CLIC6: variants seen among roughly 807,000 people sequenced by gnomAD.
CLIC6 encodes chloride intracellular channel protein 6.
In CLIC6, 39 loss-of-function variants were observed where a neutral mutation model predicts 49.2. The ratio of observed to expected loss-of-function variants is 0.79; its 90% confidence interval spans 0.61 to 1.04. The LOEUF (loss-of-function observed/expected upper bound fraction) is 1.04. Ranked by LOEUF, CLIC6 falls within the 50% of genes least tolerant of loss-of-function variation. The pLI is 0.00. For synonymous variants in CLIC6, 446 were observed against 433.4 expected (o/e 1.03, Z -0.36); for missense variants, 988 against 993.1 (o/e 0.99, Z 0.07).
Position 34,710,826 on chromosome 21 carries a change from AAAAC to A in CLIC6, c.1899+1300_1899+1303del, listed in dbSNP as rs200825556. 7.8e-3 allele frequency among the ~76,000 whole-genome samples: 1,181 copies of A among 152,192 alleles called. 13 individuals carry two copies. The highest frequency in any genetic ancestry group is 0.022 in the African/African-American group (913 of 41,520). On this transcript the variant is annotated intron_variant, in intron 5 of 5. Transcript: ENST00000349499. Reference sequence around the variant, plus strand: ...AGACTCCGTCTCAGAAAAAAAACAAAAAACAAACAAACAAAAACCCCAAAAAAAC... The same window carrying A: ...AGACTCCGTCTCAGAAAAAAAACAAAAAACAAACAAAAACCCCAAAAAAAC...
At chr21:34,702,762 G>A (rs1463407924) in intron 1 of CLIC6, among the ~76,000 whole-genome samples, 1 of 152,192 alleles carries the variant, frequency 6.6e-6, no homozygotes, top group Non-Finnish European at 1.5e-5. Context: ...AGGGAAGTGT[G>A]TGGGTGGGAC....
chr21:34,682,709 C>T (rs1467730237), intron 1 of CLIC6, among the ~76,000 whole-genome samples: 1 of 150,892 alleles, frequency 6.6e-6, no homozygotes, highest in African/African-American at 2.4e-5. Flanking sequence ...CAACTTCATT[C>T]ATTGACATCT....
chr21:34,706,077 G>A (rs972264460), intron 1 of CLIC6: 12 of 684,936 alleles, frequency 1.8e-5, no homozygotes, highest in Non-Finnish European at 2.9e-5. Flanking sequence ...AGAAATACCT[G>A]AGAGTGGGTA....
rs1403573830 is a variant in CLIC6 at position 34,699,196 on chromosome 21, A to G, written c.1375-8084A>G. 3.9e-5 allele frequency among the ~76,000 whole-genome samples: 6 copies of G among 152,186 alleles called. No individual in the cohort carries two copies. In the East Asian group the frequency reaches 1.2e-3, roughly 29 times the overall value. On this transcript the variant is annotated intron_variant, in intron 1 of 5. Transcript: ENST00000349499. ...TCAACAACATCCACAAATGATTTAG[A>G]ACCTTACCTGAAGTCAGAGTAGGTA...
chr21:34,701,668 G>A (rs1192398869), intron 1 of CLIC6, among the ~76,000 whole-genome samples: 1 of 152,176 alleles, frequency 6.6e-6, no homozygotes, highest in East Asian at 1.9e-4. Flanking sequence ...GCTCTCCCTG[G>A]CTCCAACGCC....
intron 1 of CLIC6, among the ~76,000 whole-genome samples, chr21:34,703,180 A>G (rs1241317917): frequency 6.6e-6 from 1 of 152,236 alleles, no homozygotes; most frequent in African/African-American, 2.4e-5. Flanking sequence ...AGTTATCAGA[A>G]AATACCCAAT....
intron 1 of CLIC6, among the ~76,000 whole-genome samples, chr21:34,685,572 G>A (rs1387790515): frequency 1.3e-5 from 2 of 152,264 alleles, no homozygotes; most frequent in South Asian, 2.1e-4. Context: ...CGGGTTGGAT[G>A]TCTTCAACTC....
intron 1 of CLIC6, among the ~76,000 whole-genome samples, chr21:34,690,100 A>C (rs923953407): frequency 7.2e-5 from 11 of 152,210 alleles, no homozygotes; most frequent in East Asian, 1.9e-4. Flanking sequence ...AGGAATGTCC[A>C]GACCCTTGTA....
chr21:34,703,852 G>A (rs1003794759), intron 1 of CLIC6, among the ~76,000 whole-genome samples: 81 of 152,220 alleles, frequency 5.3e-4, no homozygotes, highest in African/African-American at 1.9e-3. Context: ...GGCTTTGGAG[G>A]CACCGTTTCT....
At chr21:34,682,749 A>C (rs1315450806) in intron 1 of CLIC6, among the ~76,000 whole-genome samples, 1 of 148,270 alleles carries the variant, frequency 6.7e-6, no homozygotes, top group African/African-American at 2.5e-5. Flanking sequence ...ATACTCTATA[A>C]CCTCTTAAAT....
rs775542790 is a variant in CLIC6 at position 34,716,499 on chromosome 21, G to C, written c.*17G>C. The C allele has an allele frequency of 1.9e-6, 3 of 1,595,256 alleles. No homozygotes were observed. Among genetic ancestry groups the C allele is most frequent in the South Asian group, 1.1e-5 (1 of 87,910 alleles). On this transcript the variant is annotated 3_prime_UTR_variant, in exon 6 of 6. Coordinates refer to ENST00000349499, the MANE Select transcript of CLIC6 (RefSeq NM_053277.3). ...ATGAAATGAAGCTGGGCTGTTTTCT[G>C]TCTTATTTCTCAGTTGAGTGAGCAA...
intron 1 of CLIC6, among the ~76,000 whole-genome samples, chr21:34,683,374 A>G (rs1989817761): frequency 6.6e-6 from 1 of 152,216 alleles, no homozygotes; most frequent in African/African-American, 2.4e-5. Flanking sequence ...AGTGATATAA[A>G]AATATTGCCT....
At chr21:34,690,403 G>A (rs1426007207) in intron 1 of CLIC6, among the ~76,000 whole-genome samples, 2 of 152,042 alleles carry the variant, frequency 1.3e-5, no homozygotes, top group Non-Finnish European at 2.9e-5. Flanking sequence ...ATATTTTATC[G>A]CCTCCTTTTC....
intron 3 of CLIC6, 108 bp downstream of exon 3, chr21:34,708,177 C>G: frequency 7.6e-7 from 1 of 1,308,880 alleles, no homozygotes; most frequent in Non-Finnish European, 1.1e-6. Flanking sequence ...CTGCAGCCCA[C>G]GGTGCTCACT....
chr21:34,707,367 G>A lies in CLIC6; in HGVS notation c.1462G>A (p.Val488Met), dbSNP rs1360928822. 2 of 1,612,976 alleles carry A rather than the reference G, an allele frequency of 1.2e-6. No individual in the cohort carries two copies. Among genetic ancestry groups the A allele is most frequent in the Admixed American group, 3.3e-5 (2 of 59,990 alleles). Residue 488 changes from valine (V) to methionine (M), a missense_variant, in exon 2 of 6, where the codon GTG becomes ATG. Physicochemically the swap from Val to Met is conservative, Grantham distance 21 (BLOSUM62 1). This residue lies in a region of CLIC6 where 647 missense variants were observed against 596.9 expected (regional missense o/e 1.08). Coordinates refer to ENST00000349499, the MANE Select transcript of CLIC6 (RefSeq NM_053277.3). ...ILWLKGVIFN[V>M]TTVDLKRKPA... ...CTGGCTGAAAGGCGTTATATTTAAT[G>A]TGACCACAGTGGACCTGAAAAGGTA... is the stretch of plus-strand genomic sequence containing the variant.
chr21:34,683,104 C>A (rs902418452), intron 1 of CLIC6, among the ~76,000 whole-genome samples: 2 of 151,792 alleles, frequency 1.3e-5, no homozygotes, highest in Non-Finnish European at 2.9e-5. Flanking sequence ...AGCCACCGCG[C>A]CTGGCCCCCT....
chr21:34,712,700 G>A (rs2056064492), intron 5 of CLIC6, among the ~76,000 whole-genome samples: 1 of 152,208 alleles, frequency 6.6e-6, no homozygotes, highest in Non-Finnish European at 1.5e-5. Flanking sequence ...AGGGAGGAAA[G>A]GAGGGAAGTG....
Position 34,707,364 on chromosome 21 carries a change from A to C in CLIC6, c.1459A>C (p.Asn487His). The C allele has an allele frequency of 6.2e-7, 1 of 1,613,324 alleles. No homozygotes were observed. The highest frequency in any genetic ancestry group is 8.5e-7 in the Non-Finnish European group (1 of 1,179,554). The part of the protein sequence containing the change: ...MILWLKGVIF[N>H]VTTVDLKRKP... ...TCTCTGGCTGAAAGGCGTTATATTT[A>C]ATGTGACCACAGTGGACCTGAAAAG... Residue 487 changes from asparagine to histidine, a missense_variant, in exon 2 of 6, where the codon AAT becomes CAT. Around this residue, in one of 3 missense-constraint regions of CLIC6, gnomAD observed 647 missense variants for 596.9 expected, o/e 1.08. Coordinates refer to ENST00000349499, the MANE Select transcript of CLIC6 (RefSeq NM_053277.3).
At position 34,670,750 on chromosome 21, in the gene CLIC6, C is replaced by T. The variant is rs1247282619; in HGVS notation, c.1362C>T (p.Thr454=). 1.9e-6 allele frequency: 3 copies of T among 1,599,780 alleles called. No individual in the cohort carries two copies. The highest frequency in any genetic ancestry group is 2.5e-6 in the Non-Finnish European group (3 of 1,177,854). Residue 454 remains threonine (T), a synonymous_variant, in exon 1 of 6, where the codon ACC becomes ACT. Coordinates refer to ENST00000349499, the MANE Select transcript of CLIC6 (RefSeq NM_053277.3). ...PRALGQEHDI[T]LFVKAGYDGE... ...CCCTGGGGCAGGAGCACGACATCACCCTCTTCGTCAAGGTAAAGCTCGCTT... is the reference window on the plus strand; with the variant it reads ...CCCTGGGGCAGGAGCACGACATCACTCTCTTCGTCAAGGTAAAGCTCGCTT...
Sources: gnomAD v4.1 joint callset for allele counts (sites outside exome capture counted in the v4.1 genomes callset) on GRCh38, gnomAD v4.1.1 for gene constraint, gnomAD v4.1.1 regional missense constraint, MANE v1.5 for transcripts, NCBI Gene and HGNC (gene_info 2026-07-23, HGNC 2026-07-21) for gene names.